The following RBPJ variants were observed in gnomAD, a reference collection of about 807,000 sequenced individuals.
RBPJ encodes recombination signal binding protein for immunoglobulin kappa J region.
A neutral mutation model predicts 67.8 loss-of-function variants in RBPJ; 9 were observed. The observed-to-expected ratio is 0.13, with a 90% CI of 0.08 to 0.23. RBPJ has a LOEUF of 0.23. Among genes scored for constraint, RBPJ ranks in the 10% least tolerant of loss-of-function variants. The pLI, the probability that RBPJ is intolerant of heterozygous loss-of-function variation, is 1.00. For synonymous variants in RBPJ, 198 were observed against 203.3 expected, an observed-to-expected ratio of 0.97 and a Z score of 0.22; for missense variants, 305 against 595.6, an observed-to-expected ratio of 0.51 and a Z score of 5.08.
intron 1 of RBPJ, among the ~76,000 whole-genome samples, chr4:26,275,820 C>T (rs370112008): frequency 6.6e-5 from 10 of 151,782 alleles, no homozygotes; most frequent in Non-Finnish European, 1.5e-4. Context: ...TTAGTAGAGA[C>T]GGGGTTTCAC....
At chr4:26,114,497 A>ATGTGTG in the RBPJ span, among the ~76,000 whole-genome samples, 5 of 140,070 alleles carry the variant, frequency 3.6e-5, no homozygotes, top group African/African-American at 1.4e-4. Context: ...ATATATATAT[A>ATGTGTG]TGTATGTGTG....
intron 1 of RBPJ, among the ~76,000 whole-genome samples, chr4:26,245,276 T>A (rs1719891789): frequency 7.0e-6 from 1 of 143,132 alleles, no homozygotes; most frequent in Non-Finnish European, 1.5e-5. Flanking sequence ...TGGTGCAATC[T>A]CAGCTCACTG....
the RBPJ span, among the ~76,000 whole-genome samples, chr4:26,122,177 G>A: frequency 1.3e-5 from 2 of 152,122 alleles, no homozygotes; most frequent in Non-Finnish European, 1.5e-5. Flanking sequence ...AAACCCCAAT[G>A]AGGATAAAAC....
chr4:26,286,217 G>T (rs1410961518), intron 1 of RBPJ, among the ~76,000 whole-genome samples: 1 of 151,952 alleles, frequency 6.6e-6, no homozygotes, highest in African/African-American at 2.4e-5. Flanking sequence ...GATGACTAGC[G>T]CCTGTAATCC....
intron 1 of RBPJ, among the ~76,000 whole-genome samples, chr4:26,230,670 T>C (rs1394237619): frequency 6.6e-6 from 1 of 152,252 alleles, no homozygotes; most frequent in African/African-American, 2.4e-5. Flanking sequence ...TTTCATTAAG[T>C]GATCTTTATT....
chr4:26,218,626 C>T (rs1180670293), intron 1 of RBPJ, among the ~76,000 whole-genome samples: 1 of 152,188 alleles, frequency 6.6e-6, no homozygotes, highest in Non-Finnish European at 1.5e-5. Flanking sequence ...CTGTGCCAGG[C>T]GTGCAAATCC....
At chr4:26,333,192 A>G (rs774366286) in intron 1 of RBPJ, among the ~76,000 whole-genome samples, 3 of 152,160 alleles carry the variant, frequency 2.0e-5, no homozygotes, top group Non-Finnish European at 4.4e-5. Flanking sequence ...ATTTTGATGT[A>G]TGGGAGGATC....
intron 1 of RBPJ, among the ~76,000 whole-genome samples, chr4:26,327,438 AAC>A (rs1723744835): frequency 6.6e-6 from 1 of 152,202 alleles, no homozygotes; most frequent in Admixed American, 6.5e-5. Context: ...AAATATAGAA[AAC>A]ACATTTTTTT....
chr4:26,423,380 A>G (rs1306349203), intron 5 of RBPJ, among the ~76,000 whole-genome samples: 1 of 152,214 alleles, frequency 6.6e-6, no homozygotes, highest in African/African-American at 2.4e-5. Flanking sequence ...GATTCTTACT[A>G]TATATAACTG....
chr4:26,289,983 C>T lies in RBPJ; in HGVS notation c.-166-72463C>T, dbSNP rs550085598. On this transcript the variant is annotated intron_variant, in intron 1 of 4. Transcript: ENST00000512351. ...TTCTATATTGTCAATTAATTAAGGA[C>T]TTTGCTAAAAGAGAGCAAGGAATGC... 2.0e-5 allele frequency among the ~76,000 whole-genome samples: 3 copies of T among 150,354 alleles called. 1 individual carries two copies. The highest frequency in any genetic ancestry group is 7.3e-5 in the African/African-American group (3 of 40,878).
At chr4:26,288,449 T>C (rs964318574) in intron 1 of RBPJ, among the ~76,000 whole-genome samples, 3 of 152,184 alleles carry the variant, frequency 2.0e-5, no homozygotes, top group African/African-American at 7.2e-5. Context: ...CAATGAGTGA[T>C]CTAAGAGCAA....
chr4:26,319,242 C>T (rs373897051), upstream of RBPJ, among the ~76,000 whole-genome samples: 47 of 152,184 alleles, frequency 3.1e-4, 2 homozygotes, highest in African/African-American at 1.1e-3. Context: ...GCCTGGGGCT[C>T]CTCCTGCCCT....
intron 1 of RBPJ, among the ~76,000 whole-genome samples, chr4:26,343,580 C>T (rs1241093144): frequency 4.0e-5 from 6 of 151,150 alleles, no homozygotes; most frequent in East Asian, 1.9e-4. Flanking sequence ...TAGAATCTCG[C>T]GCTGTTGCCT....
chr4:26,319,821 G>A (rs1722830230), upstream of RBPJ: 7 of 1,524,634 alleles, frequency 4.6e-6, no homozygotes, highest in South Asian at 3.4e-5. Flanking sequence ...CCCTGCGGGA[G>A]GCAGTGCTGG....
At chr4:26,255,203 G>C (rs1276382990) in intron 1 of RBPJ, among the ~76,000 whole-genome samples, 3 of 142,638 alleles carry the variant, frequency 2.1e-5, no homozygotes, top group Middle Eastern at 3.6e-3. Context: ...AGGAGATCGG[G>C]ACCATCCTGG....
intron 1 of RBPJ, among the ~76,000 whole-genome samples, chr4:26,277,747 A>G (rs1419084713): frequency 2.0e-5 from 3 of 152,162 alleles, no homozygotes; most frequent in Non-Finnish European, 2.9e-5. Context: ...ATGGGCTCAA[A>G]TTTTTTCATG....
At chr4:26,265,237 G>A (rs1330042364) in intron 1 of RBPJ, among the ~76,000 whole-genome samples, 3 of 152,114 alleles carry the variant, frequency 2.0e-5, no homozygotes, top group Non-Finnish European at 2.9e-5. Flanking sequence ...GCCCTCTAAA[G>A]AGCGGATGAG....
In RBPJ at chr4:26,430,684, C is replaced by T. The variant is rs1208140704; in HGVS notation, c.1149-8C>T. On this transcript the variant is annotated splice_region_variant and splice_polypyrimidine_tract_variant and intron_variant, in intron 10 of 10. Transcript: ENST00000355476. This position sits in a 1 kb window ranked among gnomAD's most constrained non-coding sequence, Gnocchi z 4.1. ...AGTGTTTTTAAGTGATTTCTATTTCCTCCTCAGGTGTGGAGAGAGTATGCT... is the reference window on the plus strand; with the variant it reads ...AGTGTTTTTAAGTGATTTCTATTTCTTCCTCAGGTGTGGAGAGAGTATGCT... 3.7e-6 allele frequency: 6 copies of T among 1,611,708 alleles called. No homozygotes were observed. The highest frequency in any genetic ancestry group is 5.1e-6 in the Non-Finnish European group (6 of 1,178,414).
At chr4:26,302,891 C>A (rs1387194455) in intron 1 of RBPJ, among the ~76,000 whole-genome samples, 1 of 152,012 alleles carries the variant, frequency 6.6e-6, no homozygotes, top group Non-Finnish European at 1.5e-5. Flanking sequence ...TTGTCAGAAA[C>A]ATAATCTGGC....
Sources: allele counts gnomAD v4.1 joint callset (sites outside exome capture counted in the v4.1 genomes callset), GRCh38; gene constraint gnomAD v4.1.1; non-coding constraint Gnocchi (gnomAD v3.1); transcripts MANE v1.5; gene names NCBI Gene and HGNC (gene_info 2026-07-23, HGNC 2026-07-21).